Variants in BRIP1 observed in about 807,000 individuals in gnomAD.
BRIP1 encodes the protein BRCA1 interacting DNA helicase 1, also known as Fanconi anemia group J protein.
A neutral mutation model predicts 119.7 loss-of-function variants in BRIP1; 88 were observed. The observed-to-expected ratio is 0.74, with a 90% CI of 0.62 to 0.88. The LOEUF is 0.88. Among genes scored for constraint, BRIP1 ranks in the 40% least tolerant of loss-of-function variants. The pLI is 0.00. For missense variants in BRIP1, 1,259 were observed against 1,455.4 expected (o/e 0.87, Z 2.20); for synonymous variants, 443 against 496.5 (o/e 0.89, Z 1.43).
At chr17:61,728,863 C>T (rs1567767235) in intron 16 of BRIP1, among the ~76,000 whole-genome samples, 2 of 152,128 alleles carry the variant, frequency 1.3e-5, no homozygotes, top group Admixed American at 1.3e-4. Context: ...TGTTATCTGA[C>T]AGGTCTGATA....
At position 61,803,889 on chromosome 17, in the gene BRIP1, A is replaced by G. The variant is rs1444282330; in HGVS notation, c.919-2415T>C. Among the ~76,000 whole-genome samples the G allele has an allele frequency of 6.6e-6, 1 of 152,160 alleles. No homozygotes were observed. Among genetic ancestry groups the G allele is most frequent in the East Asian group, 1.9e-4 (1 of 5,198 alleles). On this transcript the variant is annotated intron_variant, in intron 7 of 19. Transcript: ENST00000259008. This position sits in a 1 kb window ranked among gnomAD's most constrained non-coding sequence, Gnocchi z 4.3. Reference sequence around the variant, plus strand: ...TTGAAAATTAACCAAATGTCTACCCATAAGGGACATGTTAAATAAATTATG... The same window carrying G: ...TTGAAAATTAACCAAATGTCTACCCGTAAGGGACATGTTAAATAAATTATG...
At chr17:61,728,116 A>C (rs2076794455) in intron 16 of BRIP1, among the ~76,000 whole-genome samples, 2 of 152,068 alleles carry the variant, frequency 1.3e-5, no homozygotes, top group Non-Finnish European at 1.5e-5. Context: ...GGCGTGAGCC[A>C]CCGCGCCTGG....
chr17:61,851,958 T>C lies in BRIP1; in HGVS notation c.380-2702A>G, dbSNP rs992255673. Among the ~76,000 whole-genome samples, 1 of 152,158 alleles carries C rather than the reference T, an allele frequency of 6.6e-6. No individual in the cohort carries two copies. Among genetic ancestry groups the C allele is most frequent in the African/African-American group, 2.4e-5 (1 of 41,430 alleles). ...AGCAGAGGTGGAAATACTACTAGCATCCAGTGCATAAAGGCCAGAAGTATT... is the reference window on the plus strand; with the variant it reads ...AGCAGAGGTGGAAATACTACTAGCACCCAGTGCATAAAGGCCAGAAGTATT... On this transcript the variant is annotated intron_variant, in intron 4 of 19. Coordinates refer to ENST00000259008, the MANE Select transcript of BRIP1 (RefSeq NM_032043.3). The surrounding 1 kb of genome is among the most constrained non-coding windows in gnomAD (Gnocchi z 4.6).
intron 16 of BRIP1, among the ~76,000 whole-genome samples, chr17:61,732,214 C>G (rs1472210984): frequency 6.6e-6 from 1 of 151,890 alleles, no homozygotes; most frequent in Non-Finnish European, 1.5e-5. Context: ...AACTCCTGAC[C>G]TCAAGTGATC....
At chr17:61,727,990 G>A (rs994057716) in intron 16 of BRIP1, among the ~76,000 whole-genome samples, 24 of 151,738 alleles carry the variant, frequency 1.6e-4, no homozygotes, top group South Asian at 2.1e-4. Context: ...TATGACGCCC[G>A]GCTAATTTTT....
Position 61,801,343 on chromosome 17 carries a change from A to G in BRIP1, c.1050T>C (p.Cys350=), listed in dbSNP as rs1555607717. The change falls in exon 8 of 20, where the codon TGT becomes TGC. Residue 350 remains cysteine (C), a synonymous_variant. Transcript: ENST00000259008. The part of the protein sequence containing the change: ...LVSLGKKLKA[C]PYYTARELIQ... The stretch of plus-strand genomic sequence containing the variant: ...TTAGTTCTCGGGCTGTGTAATATGG[A>G]CAGGCCTTTAGTTTCTTCCCCAGGC... 1 of 1,614,052 alleles carries G rather than the reference A, an allele frequency of 6.2e-7. No homozygotes were observed. Among genetic ancestry groups the G allele is most frequent in the African/African-American group, 1.3e-5 (1 of 75,040 alleles).
At position 61,845,737 on chromosome 17, in the gene BRIP1, G is replaced by T. The variant is rs1047864899; in HGVS notation, c.627+1364C>A. Among the ~76,000 whole-genome samples the T allele has an allele frequency of 6.6e-6, 1 of 152,088 alleles. No individual in the cohort carries two copies. On this transcript the variant is annotated intron_variant, in intron 6 of 19. Coordinates refer to ENST00000259008, the MANE Select transcript of BRIP1 (RefSeq NM_032043.3). This position sits in a 1 kb window ranked among gnomAD's most constrained non-coding sequence, Gnocchi z 4.2. ...ACTATCCTACAGGCGCTTCTCCCCAGGACATCCATCCTGCTTCTGTATGCA... is the reference window on the plus strand; with the variant it reads ...ACTATCCTACAGGCGCTTCTCCCCATGACATCCATCCTGCTTCTGTATGCA...
At position 61,724,197 on chromosome 17, in the gene BRIP1, G is replaced by T. The variant is rs532647435; in HGVS notation, c.2380-8134C>A. On this transcript the variant is annotated intron_variant, in intron 16 of 19. Coordinates refer to ENST00000259008, the MANE Select transcript of BRIP1 (RefSeq NM_032043.3). This position sits in a 1 kb window ranked among gnomAD's most constrained non-coding sequence, Gnocchi z 5.1. Reference sequence around the variant, plus strand: ...AAAGGCATTGATAATTAAGACTGAGGCGGTTTAGAATTGGGTAAAAATACC... The same window carrying T: ...AAAGGCATTGATAATTAAGACTGAGTCGGTTTAGAATTGGGTAAAAATACC... Among the ~76,000 whole-genome samples the T allele has an allele frequency of 5.9e-5, 9 of 152,092 alleles. No homozygotes were observed. The South Asian group carries it at 1.5e-3, about 25-fold the overall frequency.
Position 61,856,788 on chromosome 17 carries a change from A to T in BRIP1, c.379+270T>A, listed in dbSNP as rs552734238. Among the ~76,000 whole-genome samples the T allele has an allele frequency of 5.9e-5, 9 of 152,312 alleles. No individual in the cohort carries two copies. The highest frequency in any genetic ancestry group is 2.6e-4 in the Admixed American group (4 of 15,296). Reference sequence around the variant, plus strand: ...AACAATAATGGCTACAAATAACATCAATTTTGGAAAATCATTTATTTTGCC... The same window carrying T: ...AACAATAATGGCTACAAATAACATCTATTTTGGAAAATCATTTATTTTGCC... On this transcript the variant is annotated intron_variant, in intron 4 of 19. Transcript: ENST00000259008. This position sits in a 1 kb window ranked among gnomAD's most constrained non-coding sequence, Gnocchi z 5.1.
Position 61,744,365 on chromosome 17 carries a change from T to C in BRIP1, c.2257+67A>G. ...TAATTCATCTAAAAATATAAAATTA[T>C]AATTGTACCTTCTTACTTTGTAATA... is the stretch of plus-strand genomic sequence containing the variant. On this transcript the variant is annotated intron_variant, in intron 15 of 19. Transcript: ENST00000259008. The surrounding 1 kb of genome is among the most constrained non-coding windows in gnomAD (Gnocchi z 5.0). The C allele has an allele frequency of 6.6e-7, 1 of 1,510,640 alleles. No individual in the cohort carries two copies. The highest frequency in any genetic ancestry group is 9.2e-7 in the Non-Finnish European group (1 of 1,091,868). 93.6% of individuals were successfully genotyped at this position (1,510,640 alleles called of 1,614,324 possible).
Position 61,799,042 on chromosome 17 carries a change from T to C in BRIP1, c.1340+58A>G, listed in dbSNP as rs2145297019. On this transcript the variant is annotated intron_variant, in intron 9 of 19. Coordinates refer to ENST00000259008, the MANE Select transcript of BRIP1 (RefSeq NM_032043.3). The surrounding 1 kb of genome is among the most constrained non-coding windows in gnomAD (Gnocchi z 5.1). ...ACTAACTTTAAATACTCTGGCATAA[T>C]CAAACATATTTTTCATATAAAGGCA... 1 of 1,496,252 alleles carries C rather than the reference T, an allele frequency of 6.7e-7. No individual in the cohort carries two copies. Among genetic ancestry groups the C allele is most frequent in the East Asian group, 2.3e-5 (1 of 44,316 alleles). 92.7% of individuals were successfully genotyped at this position (1,496,252 alleles called of 1,614,324 possible).
At position 61,831,296 on chromosome 17, in the gene BRIP1, C is replaced by T. The variant is rs923403280; in HGVS notation, c.627+15805G>A. On this transcript the variant is annotated intron_variant, in intron 6 of 19. Transcript: ENST00000259008. The surrounding 1 kb of genome is among the most constrained non-coding windows in gnomAD (Gnocchi z 4.1). ...AAACACTGTAAAGGAAGAAGTAAAA[C>T]AGTATTTACTAGAGAATGAAACATG... Among the ~76,000 whole-genome samples, 1 of 152,180 alleles carries T rather than the reference C, an allele frequency of 6.6e-6. No homozygotes were observed. The highest frequency in any genetic ancestry group is 2.4e-5 in the African/African-American group (1 of 41,452).
In BRIP1 at chr17:61,860,520, C is replaced by T. The variant is rs942138512; in HGVS notation, c.94-613G>A. ...ACTAAAAATCCAAAAATTAGCTGGG[C>T]GTGGTGGCGCATCCCTGTAATCCCA... On this transcript the variant is annotated intron_variant, in intron 2 of 19. Transcript: ENST00000259008. The surrounding 1 kb of genome is among the most constrained non-coding windows in gnomAD (Gnocchi z 4.1). 2.6e-5 allele frequency among the ~76,000 whole-genome samples: 4 copies of T among 152,096 alleles called. No homozygotes were observed. The highest frequency in any genetic ancestry group is 2.1e-4 in the South Asian group (1 of 4,828).
chr17:61,847,297 A>G, intron 5 of BRIP1, 77 bp from the exon 6 acceptor site: 2 of 1,494,888 alleles, frequency 1.3e-6, no homozygotes, highest in Non-Finnish European at 1.9e-6. Flanking sequence ...AGGCCAAAAC[A>G]GCTCTATGTA....
Position 61,824,151 on chromosome 17 carries a change from A to G in BRIP1, c.628-15394T>C, listed in dbSNP as rs115324747. Among the ~76,000 whole-genome samples, 628 of 152,288 alleles carry G rather than the reference A, an allele frequency of 4.1e-3. 2 individuals are homozygous for G. The highest frequency in any genetic ancestry group is 0.012 in the African/African-American group (484 of 41,566). On this transcript the variant is annotated intron_variant, in intron 6 of 19. Coordinates refer to ENST00000259008, the MANE Select transcript of BRIP1 (RefSeq NM_032043.3). This position sits in a 1 kb window ranked among gnomAD's most constrained non-coding sequence, Gnocchi z 4.3. ...TTTTAAAGCAGCCACAGATTACTCT[A>G]TAGAAACTATGTAAGACAAGCCAAG...
Position 61,760,201 on chromosome 17 carries a change from G to A in BRIP1, c.2098-15610C>T, listed in dbSNP as rs1169057626. Among the ~76,000 whole-genome samples, 5 of 151,444 alleles carry A rather than the reference G, an allele frequency of 3.3e-5. No individual in the cohort carries two copies. The highest frequency in any genetic ancestry group is 7.4e-5 in the Non-Finnish European group (5 of 67,814). ...GTTCCTGAACAACCAAACAACCAAG[G>A]GGGCAATGAAGAAATTAAAAGGGAA... On this transcript the variant is annotated intron_variant, in intron 14 of 19. Coordinates refer to ENST00000259008, the MANE Select transcript of BRIP1 (RefSeq NM_032043.3). This position sits in a 1 kb window ranked among gnomAD's most constrained non-coding sequence, Gnocchi z 4.6.
At position 61,762,315 on chromosome 17, in the gene BRIP1, G is replaced by C. The variant is rs1300404533; in HGVS notation, c.2097+14086C>G. On this transcript the variant is annotated intron_variant, in intron 14 of 19. Coordinates refer to ENST00000259008, the MANE Select transcript of BRIP1 (RefSeq NM_032043.3). This position sits in a 1 kb window ranked among gnomAD's most constrained non-coding sequence, Gnocchi z 4.3. ...AACTACTAGAAGAAAACAGAGGGGG[G>C]AAAACTACATAACATTGGTTTAGGC... 6.6e-6 allele frequency among the ~76,000 whole-genome samples: 1 copy of C among 151,932 alleles called. No individual in the cohort carries two copies. The highest frequency in any genetic ancestry group is 1.5e-5 in the Non-Finnish European group (1 of 67,968).
Position 61,798,829 on chromosome 17 carries a change from A to G in BRIP1, c.1340+271T>C, listed in dbSNP as rs978075712. ...TTTAGTTTCTGGTTCAATATCCTAGACACATCCTTCGGGGCTATTATGTTA... is the reference window on the plus strand; with the variant it reads ...TTTAGTTTCTGGTTCAATATCCTAGGCACATCCTTCGGGGCTATTATGTTA... On this transcript the variant is annotated intron_variant, in intron 9 of 19. Transcript: ENST00000259008. This position sits in a 1 kb window ranked among gnomAD's most constrained non-coding sequence, Gnocchi z 5.5. Among the ~76,000 whole-genome samples, 1 of 152,080 alleles carries G rather than the reference A, an allele frequency of 6.6e-6. No individual in the cohort carries two copies. The highest frequency in any genetic ancestry group is 1.5e-5 in the Non-Finnish European group (1 of 67,982).
chr17:61,793,760 A>T lies in BRIP1; in HGVS notation c.1341-31T>A. The stretch of plus-strand genomic sequence containing the variant: ...ATAAAATAAAACAATTGTGTCAACC[A>T]GTATCATCCTTACACACACTATTTC... On this transcript the variant is annotated intron_variant, in intron 9 of 19. Coordinates refer to ENST00000259008, the MANE Select transcript of BRIP1 (RefSeq NM_032043.3). This position sits in a 1 kb window ranked among gnomAD's most constrained non-coding sequence, Gnocchi z 5.2. 6.3e-7 allele frequency: 1 copy of T among 1,599,904 alleles called. No homozygotes were observed. Among genetic ancestry groups the T allele is most frequent in the South Asian group, 1.1e-5 (1 of 90,482 alleles).
Sources: gnomAD v4.1 joint callset for allele counts (sites outside exome capture counted in the v4.1 genomes callset) on GRCh38, gnomAD v4.1.1 for gene constraint, Gnocchi (gnomAD v3.1) non-coding constraint, MANE v1.5 for transcripts, NCBI Gene and HGNC (gene_info 2026-07-23, HGNC 2026-07-21) for gene names.